Variants in PRKG1 observed in about 807,000 individuals in gnomAD.
PRKG1 encodes cGMP-dependent protein kinase 1.
PRKG1 carries 35 observed loss-of-function variants against 88.1 expected under a neutral mutation model. The ratio of observed to expected loss-of-function variants is 0.40; its 90% CI spans 0.30 to 0.53. The LOEUF (loss-of-function observed/expected upper bound fraction) is 0.53, where lower values mean the gene tolerates loss of function less well. PRKG1 is among the 20% of genes least tolerant of loss of function. The probability of loss-of-function intolerance (pLI) is 0.59; values close to 1 mark genes in which losing one functional copy is unlikely to be tolerated. For missense variants in PRKG1, 540 were observed against 839.8 expected, an observed-to-expected ratio of 0.64 and a Z score of 4.41; for synonymous variants, 303 against 292.5, an observed-to-expected ratio of 1.04 and a Z score of -0.37.
At chr10:51,982,410 T>A (rs1391236428) in intron 5 of PRKG1, among the ~76,000 whole-genome samples, 1 of 152,148 alleles carries the variant, frequency 6.6e-6, no homozygotes, top group Non-Finnish European at 1.5e-5. Flanking sequence ...GTTGTCAGAG[T>A]TCTTGAGCTG....
chr10:51,252,048 G>A (rs1839439901), intron 2 of PRKG1, among the ~76,000 whole-genome samples: 1 of 151,724 alleles, frequency 6.6e-6, no homozygotes, highest in Non-Finnish European at 1.5e-5. Flanking sequence ...TTAGTCTAAT[G>A]TAATTCATGT....
At chr10:51,204,617 T>C (rs1838000057) in intron 2 of PRKG1, among the ~76,000 whole-genome samples, 1 of 152,134 alleles carries the variant, frequency 6.6e-6, no homozygotes, top group Non-Finnish European at 1.5e-5. Context: ...GTCAAAAACC[T>C]GTGGATATTA....
chr10:51,647,875 A>G (rs1589158841), intron 3 of PRKG1, among the ~76,000 whole-genome samples: 1 of 152,196 alleles, frequency 6.6e-6, no homozygotes, highest in East Asian at 1.9e-4. Flanking sequence ...CCATAATGAT[A>G]CATTGCACAG....
intron 1 of PRKG1, among the ~76,000 whole-genome samples, chr10:51,140,080 T>C (rs1039687315): frequency 6.6e-6 from 1 of 152,218 alleles, no homozygotes; most frequent in Non-Finnish European, 1.5e-5. Flanking sequence ...TCCTTCTGCT[T>C]TGAGCACCTT....
intron 2 of PRKG1, among the ~76,000 whole-genome samples, chr10:51,286,032 G>A (rs144953145): frequency 7.1e-4 from 108 of 152,232 alleles, no homozygotes; most frequent in African/African-American, 2.5e-3. Flanking sequence ...GTGCAGTGGT[G>A]CAATCTTGGC....
intron 3 of PRKG1, among the ~76,000 whole-genome samples, chr10:51,683,699 C>T (rs1214210638): frequency 1.3e-5 from 2 of 152,174 alleles, no homozygotes; most frequent in African/African-American, 4.8e-5. Flanking sequence ...AACCTGGACC[C>T]TGCCATGCAG....
intron 3 of PRKG1, among the ~76,000 whole-genome samples, chr10:51,531,637 C>CTT (rs34091409): frequency 0.21 from 13,950 of 67,960 alleles, 3,825 homozygotes; most frequent in East Asian, 0.79. Context: ...AAAAAGAATT[C>CTT]TTTTTTTTTT....
intron 5 of PRKG1, among the ~76,000 whole-genome samples, chr10:51,919,165 C>T (rs868619815): frequency 1.8e-4 from 28 of 152,220 alleles, no homozygotes; most frequent in African/African-American, 3.9e-4. Context: ...TGCTTCCCTG[C>T]GGAAAAGGAA....
intron 3 of PRKG1, among the ~76,000 whole-genome samples, chr10:51,621,104 G>T (rs988404390): frequency 2.7e-5 from 4 of 149,504 alleles, no homozygotes; most frequent in African/African-American, 9.7e-5. Flanking sequence ...ATATGTGTGT[G>T]TGTGTATATA....
At chr10:51,597,356 T>G (rs1400148268) in intron 3 of PRKG1, among the ~76,000 whole-genome samples, 1 of 152,200 alleles carries the variant, frequency 6.6e-6, no homozygotes, top group East Asian at 1.9e-4. Flanking sequence ...CACATGAGAC[T>G]CTAACATTAC....
intron 8 of PRKG1, among the ~76,000 whole-genome samples, chr10:52,151,638 A>G (rs1203639208): frequency 2.0e-5 from 3 of 152,206 alleles, no homozygotes; most frequent in Non-Finnish European, 4.4e-5. Flanking sequence ...AACACTTAAA[A>G]TAATTGTCCA....
intron 1 of PRKG1, among the ~76,000 whole-genome samples, chr10:51,126,874 G>C (rs192422489): frequency 1.3e-5 from 2 of 152,008 alleles, no homozygotes; most frequent in African/African-American, 4.8e-5. Flanking sequence ...GGATTCCCTA[G>C]TTAATAAATG....
chr10:51,699,144 G>T, intron 3 of PRKG1: 1 of 1,614,200 alleles, frequency 6.2e-7, no homozygotes, highest in Admixed American at 1.7e-5. Context: ...TGCTCCGGGG[G>T]GAGACTGGCT....
At chr10:51,448,923 A>G (rs1839352562) in intron 2 of PRKG1, among the ~76,000 whole-genome samples, 1 of 152,070 alleles carries the variant, frequency 6.6e-6, no homozygotes, top group Non-Finnish European at 1.5e-5. Context: ...TATTTTGTTT[A>G]TTTTGATGTT....
chr10:51,203,556 A>G lies in PRKG1; in HGVS notation c.478+50226A>G, dbSNP rs139827533. 4.8e-3 allele frequency among the ~76,000 whole-genome samples: 734 copies of G among 152,296 alleles called. 5 individuals are homozygous for G. The highest frequency in any genetic ancestry group is 0.013 in the South Asian group (62 of 4,834). The stretch of plus-strand genomic sequence containing the variant: ...TTGAGGGCACAGCTGGATGTGCTGC[A>G]ATGCTAAACAAAAGCCTCCCCTGTA... On this transcript the variant is annotated intron_variant, in intron 2 of 17. Transcript: ENST00000373980.
intron 1 of PRKG1, among the ~76,000 whole-genome samples, chr10:51,008,046 C>T (rs1018262446): frequency 6.6e-6 from 1 of 152,128 alleles, no homozygotes; most frequent in Non-Finnish European, 1.5e-5. Context: ...GGCTCTGACA[C>T]TATACTACAT....
At chr10:51,817,353 C>G (rs1564659104) in intron 4 of PRKG1, among the ~76,000 whole-genome samples, 1 of 147,484 alleles carries the variant, frequency 6.8e-6, no homozygotes, top group Non-Finnish European at 1.5e-5. Flanking sequence ...CCCAACCCCC[C>G]CCCTCCCCTG....
intron 1 of PRKG1, among the ~76,000 whole-genome samples, chr10:51,115,152 G>C (rs933680638): frequency 6.7e-6 from 1 of 149,488 alleles, no homozygotes; most frequent in Non-Finnish European, 1.5e-5. Context: ...CATCTCTACT[G>C]AAAATACAAA....
intron 3 of PRKG1, among the ~76,000 whole-genome samples, chr10:51,558,476 T>G (rs537347953): frequency 7.2e-5 from 11 of 152,218 alleles, no homozygotes; most frequent in African/African-American, 2.6e-4. Flanking sequence ...ATTCCCAGGA[T>G]GGCCCCAATA....
Sources: allele counts gnomAD v4.1 joint callset (sites outside exome capture counted in the v4.1 genomes callset), GRCh38; gene constraint gnomAD v4.1.1; transcripts MANE v1.5; gene names NCBI Gene and HGNC (gene_info 2026-07-23, HGNC 2026-07-21).